Variants in BICDL1 observed in about 807,000 individuals in gnomAD.
BICDL1 encodes BICD family-like cargo adapter 1.
In BICDL1, 20 loss-of-function variants were observed where a neutral mutation model predicts 76.8. The ratio of observed to expected loss-of-function variants is 0.26; its 90% CI spans 0.18 to 0.38. The LOEUF (loss-of-function observed/expected upper bound fraction) is 0.38. BICDL1 is among the 10% of genes least tolerant of loss of function. The probability of loss-of-function intolerance (pLI) is 1.00; values close to 1 mark genes in which losing one functional copy is unlikely to be tolerated. For synonymous variants in BICDL1, 383 were observed against 337.1 expected (o/e 1.14, Z -1.49); for missense variants, 700 against 798.6 (o/e 0.88, Z 1.49).
chr12:120,050,261 T>C (rs1952828849), intron 2 of BICDL1, among the ~76,000 whole-genome samples: 3 of 150,726 alleles, frequency 2.0e-5, no homozygotes, highest in Admixed American at 2.0e-4. Context: ...TCTCTTTTTT[T>C]TTTTTCTTTT....
intron 2 of BICDL1, among the ~76,000 whole-genome samples, chr12:120,045,074 A>C (rs60466490): frequency 0.13 from 20,154 of 152,102 alleles, 1,653 homozygotes; most frequent in East Asian, 0.4. Flanking sequence ...ACAAATTTAC[A>C]AGAAAAAAAC....
chr12:119,993,600 CAG>C (rs1951573771), intron 1 of BICDL1, among the ~76,000 whole-genome samples: 1 of 151,180 alleles, frequency 6.6e-6, no homozygotes, highest in Non-Finnish European at 1.5e-5. Context: ...TTCACTGAAT[CAG>C]ATGCTTAAAG....
In BICDL1 at chr12:120,013,439, A is replaced by AGTGTGTGTGTGT. The variant is rs35499277; in HGVS notation, c.645+14736_645+14747dup. Among the ~76,000 whole-genome samples the AGTGTGTGTGTGT allele has an allele frequency of 9.8e-3, 1,322 of 134,858 alleles. 10 individuals carry two copies. The highest frequency in any genetic ancestry group is 0.036 in the East Asian group (158 of 4,370). The allele number at this position is 134,858 out of a possible 152,430, so 88.5% of individuals were successfully genotyped here. On this transcript the variant is annotated intron_variant, in intron 2 of 9. Coordinates refer to ENST00000548673, the MANE Select transcript of BICDL1 (RefSeq NM_001367886.1). ...TTGCAGGGACTATGTCTTTAACCAG[A>AGTGTGTGTGTGT]GTGTGTGTGTGTGTGTGTGTGTGTG...
Position 120,074,442 on chromosome 12 carries a change from G to A in BICDL1, c.1309-1G>A. ...TCTGGCTGTCTTTCTTTTACTGTCAGGGCTCCCGGAGACTTGATGATGACT... is the reference window on the plus strand; with the variant it reads ...TCTGGCTGTCTTTCTTTTACTGTCAAGGCTCCCGGAGACTTGATGATGACT... On this transcript the variant is annotated splice_acceptor_variant, in intron 6 of 9. Transcript: ENST00000548673. LOFTEE classifies it high-confidence loss of function. 8.3e-7 allele frequency: 1 copy of A among 1,199,010 alleles called. No individual in the cohort carries two copies. Among genetic ancestry groups the A allele is most frequent in the East Asian group, 7.0e-5 (1 of 14,314 alleles). 74.3% of individuals were successfully genotyped at this position (1,199,010 alleles called of 1,614,324 possible).
At chr12:120,032,840 G>C (rs1229692277) in intron 2 of BICDL1, among the ~76,000 whole-genome samples, 1 of 148,524 alleles carries the variant, frequency 6.7e-6, no homozygotes, top group Non-Finnish European at 1.5e-5. Context: ...TCCGCCTCCT[G>C]GGTTCAAGTG....
intron 2 of BICDL1, among the ~76,000 whole-genome samples, chr12:120,052,645 T>G (rs1375660418): frequency 6.6e-6 from 1 of 152,172 alleles, no homozygotes; most frequent in Admixed American, 6.5e-5. Context: ...AATCAGTAAA[T>G]CTTATGAAGA....
At chr12:120,076,923 C>T (rs1053759405) in intron 7 of BICDL1, among the ~76,000 whole-genome samples, 1 of 152,260 alleles carries the variant, frequency 6.6e-6, no homozygotes, top group Non-Finnish European at 1.5e-5. Flanking sequence ...CTGCACTAGG[C>T]CCTGAGAGGC....
intron 2 of BICDL1, among the ~76,000 whole-genome samples, chr12:120,047,512 ACT>A (rs1045350967): frequency 2.0e-5 from 3 of 152,016 alleles, no homozygotes; most frequent in African/African-American, 7.3e-5. Flanking sequence ...TGAAGTTTCA[ACT>A]CTCAAACTGC....
intron 2 of BICDL1, among the ~76,000 whole-genome samples, chr12:120,025,243 G>A (rs1203724366): frequency 1.3e-5 from 2 of 151,376 alleles, no homozygotes; most frequent in African/African-American, 2.4e-5. Flanking sequence ...GTAGAGATGG[G>A]GTTTCACCGT....
chr12:120,061,455 T>C (rs1415878759), intron 2 of BICDL1, among the ~76,000 whole-genome samples: 1 of 152,016 alleles, frequency 6.6e-6, no homozygotes, highest in African/African-American at 2.4e-5. Flanking sequence ...TTTGAGAGCA[T>C]ACTATTTCCT....
intron 1 of BICDL1, among the ~76,000 whole-genome samples, chr12:119,995,252 T>C (rs577787003): frequency 1.3e-5 from 2 of 152,216 alleles, no homozygotes; most frequent in African/African-American, 4.8e-5. Flanking sequence ...GAGAAACTTT[T>C]CTCAGAGCAG....
intron 2 of BICDL1, among the ~76,000 whole-genome samples, chr12:120,059,364 T>C (rs1953053650): frequency 6.6e-6 from 1 of 151,990 alleles, no homozygotes; most frequent in Non-Finnish European, 1.5e-5. Flanking sequence ...CCACCTCCCG[T>C]GTCCCAGTTC....
chr12:119,989,983 G>T lies in BICDL1; in HGVS notation c.115G>T (p.Ala39Ser), dbSNP rs11614571. 6.8e-7 allele frequency: 1 copy of T among 1,469,364 alleles called. No homozygotes were observed. Among genetic ancestry groups the T allele is most frequent in the South Asian group, 1.4e-5 (1 of 72,998 alleles). The allele number at this position is 1,469,364 out of a possible 1,614,324, so 91.0% of individuals were successfully genotyped here. A position where few individuals can be genotyped will look rare whatever the true frequency, so the allele number is the denominator to read the frequency against. ...CGGGGACGCAGTCCGGAGTCCCGCC[G>T]CCGCCGCCGCCCTCATCTTCCCCGG... ...AAGDAVRSPA[A>S]AAALIFPGGS... The change falls in exon 1 of 10, where the codon GCC becomes TCC. Residue 39 changes from alanine to serine, a missense_variant. Physicochemically the swap from Ala to Ser is moderately conservative, Grantham distance 99. This residue lies in a region of BICDL1 where 225 missense variants were observed against 199.6 expected (regional missense o/e 1.13). Coordinates refer to ENST00000548673, the MANE Select transcript of BICDL1 (RefSeq NM_001367886.1).
intron 8 of BICDL1, among the ~76,000 whole-genome samples, chr12:120,087,545 G>C (rs949021414): frequency 1.3e-5 from 2 of 152,204 alleles, no homozygotes; most frequent in African/African-American, 4.8e-5. Flanking sequence ...GGATCCTCTA[G>C]CTGCCCTTGA....
rs528461829 is a variant in BICDL1, at chr12:120,078,495, T to C, written c.1453-2392T>C. 4.6e-5 allele frequency among the ~76,000 whole-genome samples: 7 copies of C among 152,342 alleles called. No homozygotes were observed. In the East Asian group the frequency reaches 9.6e-4, roughly 21 times the overall value. On this transcript the variant is annotated intron_variant, in intron 7 of 9. Coordinates refer to ENST00000548673, the MANE Select transcript of BICDL1 (RefSeq NM_001367886.1). ...TTGTATAAACAAGCCAGATCAGTTA[T>C]CATGACAGCAGTGATTAGGTCCCAC...
intron 2 of BICDL1, among the ~76,000 whole-genome samples, chr12:120,056,125 C>T (rs1952966134): frequency 6.6e-6 from 1 of 152,162 alleles, no homozygotes; most frequent in Non-Finnish European, 1.5e-5. Context: ...ATAGTGATTA[C>T]CTGTGGTGGG....
At chr12:120,012,362 G>A (rs182274260) in intron 2 of BICDL1, among the ~76,000 whole-genome samples, 34 of 152,300 alleles carry the variant, frequency 2.2e-4, no homozygotes, top group Non-Finnish European at 4.3e-4. Context: ...AATTCTCCAC[G>A]AATAAGTCAG....
chr12:120,089,271 CGTGTGTGTGT>C (rs138992612), intron 8 of BICDL1, among the ~76,000 whole-genome samples: 27 of 146,718 alleles, frequency 1.8e-4, no homozygotes, highest in Non-Finnish European at 2.7e-4. Flanking sequence ...CCTTTTTCAA[CGTGTGTGTGT>C]GTGTGTGTAT....
intron 9 of BICDL1, chr12:120,091,841 C>G (rs1442679303): frequency 2.0e-6 from 2 of 985,218 alleles, no homozygotes; most frequent in African/African-American, 1.7e-5. Context: ...CCCAGCCAGC[C>G]CAACTTCATG....
Sources: gnomAD v4.1 joint callset for allele counts (sites outside exome capture counted in the v4.1 genomes callset) on GRCh38, gnomAD v4.1.1 for gene constraint, gnomAD v4.1.1 regional missense constraint, MANE v1.5 for transcripts, NCBI Gene and HGNC (gene_info 2026-07-23, HGNC 2026-07-21) for gene names.